The following KCNN2 variants were observed in gnomAD, a reference collection of about 807,000 sequenced individuals.
KCNN2 encodes potassium calcium-activated channel subfamily N member 2.
KCNN2 carries 24 observed loss-of-function variants against 55.5 expected under a neutral mutation model. The observed-to-expected ratio is 0.43, with a 90% CI of 0.31 to 0.61. The LOEUF (loss-of-function observed/expected upper bound fraction) is 0.61, where lower values mean the gene tolerates loss of function less well. Ranked by LOEUF, KCNN2 falls within the 20% of genes least tolerant of loss-of-function variation. The pLI is 0.08. For synonymous variants in KCNN2, 431 were observed against 336.1 expected, an observed-to-expected ratio of 1.28 and a Z score of -3.09; for missense variants, 754 against 853.6, an observed-to-expected ratio of 0.88 and a Z score of 1.45.
At chr5:114,131,779 T>C (rs554279799) in intron 1 of KCNN2, among the ~76,000 whole-genome samples, 12 of 152,342 alleles carry the variant, frequency 7.9e-5, no homozygotes, top group Non-Finnish European at 1.6e-4. Flanking sequence ...CTTCACAACC[T>C]CAACAACATC....
chr5:114,481,438 A>G lies in KCNN2; in HGVS notation c.1891-5612A>G, dbSNP rs1267171284. Among the ~76,000 whole-genome samples the G allele has an allele frequency of 2.0e-5, 3 of 152,108 alleles. No individual in the cohort carries two copies. The East Asian group carries it at 5.8e-4, about 29-fold the overall frequency. ...ATACTGCCCATGCTCATAGATAACA[A>G]TCAATATCATGAAAATAGCCATACT... On this transcript the variant is annotated intron_variant, in intron 5 of 7. Transcript: ENST00000673685.
chr5:114,345,979 C>T (rs1358060488), intron 2 of KCNN2, among the ~76,000 whole-genome samples: 1 of 152,104 alleles, frequency 6.6e-6, no homozygotes, highest in Non-Finnish European at 1.5e-5. Context: ...GACAGGGTCT[C>T]ACCATGTTGG....
At position 114,154,667 on chromosome 5, in the gene KCNN2, G is replaced by C. The variant is rs771694710; in HGVS notation, c.-270-66813G>C. On this transcript the variant is annotated intron_variant, in intron 1 of 10. Transcript: ENST00000512097. ...TGGGTCACCAAAACTTTCTAGTTTG[G>C]GTTGTTAAACAAGATGTTTCTGAAG... is the stretch of plus-strand genomic sequence containing the variant. Among the ~76,000 whole-genome samples, 3 of 152,072 alleles carry C rather than the reference G, an allele frequency of 2.0e-5. No individual in the cohort carries two copies. The South Asian group carries it at 6.2e-4, about 31-fold the overall frequency.
intron 3 of KCNN2, among the ~76,000 whole-genome samples, chr5:114,430,712 T>C (rs1413887340): frequency 6.6e-6 from 1 of 152,124 alleles, no homozygotes; most frequent in East Asian, 1.9e-4. Context: ...TGATATTAAC[T>C]GTAATTATAG....
At chr5:114,143,550 G>A (rs570533002) in intron 1 of KCNN2, among the ~76,000 whole-genome samples, 5 of 152,210 alleles carry the variant, frequency 3.3e-5, no homozygotes, top group East Asian at 3.9e-4. Context: ...CCCCTCGTGC[G>A]TCCATTTATA....
chr5:114,114,235 A>G (rs888540229), intron 1 of KCNN2, among the ~76,000 whole-genome samples: 7 of 151,920 alleles, frequency 4.6e-5, no homozygotes, highest in African/African-American at 1.7e-4. Flanking sequence ...TTACTCATCA[A>G]AACATTTTTT....
At chr5:114,074,078 C>G (rs1337197932) in intron 1 of KCNN2, among the ~76,000 whole-genome samples, 1 of 152,130 alleles carries the variant, frequency 6.6e-6, no homozygotes, top group African/African-American at 2.4e-5. Context: ...GTTTTATTCT[C>G]TCTTCTTATT....
At chr5:114,143,123 C>A (rs1040918437) in intron 1 of KCNN2, among the ~76,000 whole-genome samples, 1 of 151,958 alleles carries the variant, frequency 6.6e-6, no homozygotes, top group Non-Finnish European at 1.5e-5. Flanking sequence ...GATATACCAG[C>A]ATTTATTATT....
intron 2 of KCNN2, among the ~76,000 whole-genome samples, chr5:114,394,021 A>AT (rs1205366480): frequency 1.3e-5 from 2 of 152,166 alleles, no homozygotes; most frequent in African/African-American, 4.8e-5. Flanking sequence ...GATATGACAG[A>AT]TTTTATTCTA....
At chr5:114,117,781 TGCA>T (rs1751736241) in intron 1 of KCNN2, among the ~76,000 whole-genome samples, 1 of 152,222 alleles carries the variant, frequency 6.6e-6, no homozygotes, top group African/African-American at 2.4e-5. Context: ...CCTCATGTCA[TGCA>T]GGGCACTGTG....
At chr5:114,258,175 G>A (rs759482179) in intron 2 of KCNN2, among the ~76,000 whole-genome samples, 23 of 151,926 alleles carry the variant, frequency 1.5e-4, no homozygotes, top group African/African-American at 3.6e-4. Flanking sequence ...AACCATCTTC[G>A]CATCCCTGGA....
intron 3 of KCNN2, among the ~76,000 whole-genome samples, chr5:114,432,964 C>T (rs1470068541): frequency 6.6e-6 from 1 of 152,164 alleles, no homozygotes; most frequent in Non-Finnish European, 1.5e-5. Context: ...GAACCTCCCA[C>T]CCCCTCCATG....
chr5:114,108,877 G>T (rs889585979), intron 1 of KCNN2, among the ~76,000 whole-genome samples: 1 of 152,040 alleles, frequency 6.6e-6, no homozygotes, highest in African/African-American at 2.4e-5. Flanking sequence ...TTTCTCTTGG[G>T]TAAACAGAAG....
At chr5:114,207,282 G>C (rs528958014) in intron 1 of KCNN2, among the ~76,000 whole-genome samples, 170 of 152,246 alleles carry the variant, frequency 1.1e-3, no homozygotes, top group South Asian at 4.6e-3. Context: ...GAGAAAATAG[G>C]TTCCCAGTGC....
intron 2 of KCNN2, among the ~76,000 whole-genome samples, chr5:114,386,157 G>C (rs1224608355): frequency 6.7e-6 from 1 of 149,470 alleles, no homozygotes; most frequent in Non-Finnish European, 1.5e-5. Context: ...ACTGCAGCCT[G>C]GGGTGACAGA....
intron 1 of KCNN2, among the ~76,000 whole-genome samples, chr5:114,168,395 A>T (rs1436005510): frequency 1.3e-5 from 2 of 152,102 alleles, no homozygotes; most frequent in East Asian, 3.9e-4. Flanking sequence ...TATCTCCTCA[A>T]TTTATAAATC....
intron 1 of KCNN2, among the ~76,000 whole-genome samples, chr5:114,178,661 C>A (rs1753182139): frequency 6.6e-6 from 1 of 152,086 alleles, no homozygotes; most frequent in South Asian, 2.1e-4. Flanking sequence ...TAACACTATT[C>A]TTTTGATATT....
intron 2 of KCNN2, among the ~76,000 whole-genome samples, chr5:114,364,700 C>T (rs1019707681): frequency 2.6e-5 from 4 of 151,184 alleles, no homozygotes; most frequent in South Asian, 4.2e-4. Context: ...TATCAGAATG[C>T]TCTATAAAAC....
chr5:114,076,990 C>T (rs1022176053), intron 1 of KCNN2, among the ~76,000 whole-genome samples: 10 of 152,164 alleles, frequency 6.6e-5, no homozygotes, highest in South Asian at 2.1e-4. Flanking sequence ...CCACCGCGCC[C>T]GGCCAAGAAC....
Sources: gnomAD v4.1 joint callset for allele counts (sites outside exome capture counted in the v4.1 genomes callset) on GRCh38, gnomAD v4.1.1 for gene constraint, MANE v1.5 for transcripts, NCBI Gene and HGNC (gene_info 2026-07-23, HGNC 2026-07-21) for gene names.